The following ADCY2 variants were observed in gnomAD, a reference collection of about 807,000 sequenced individuals.
ADCY2 encodes adenylate cyclase type 2.
A neutral mutation model predicts 125.2 loss-of-function variants in ADCY2; 31 were observed. The observed-to-expected ratio is 0.25, with a 90% CI of 0.19 to 0.33. The LOEUF (loss-of-function observed/expected upper bound fraction) is 0.33, where lower values mean the gene tolerates loss of function less well. Ranked by LOEUF, ADCY2 falls within the 10% of genes least tolerant of loss-of-function variation. The probability of loss-of-function intolerance (pLI) is 1.00; values close to 1 mark genes in which losing one functional copy is unlikely to be tolerated. For synonymous variants in ADCY2, 512 were observed against 548.4 expected (o/e 0.93, Z 0.93); for missense variants, 904 against 1,418.2 (o/e 0.64, Z 5.82).
chr5:7,501,455 C>CT lies in ADCY2; in HGVS notation c.409-19277dup, dbSNP rs140121582. Among the ~76,000 whole-genome samples the CT allele has an allele frequency of 9.4e-3, 1,437 of 152,128 alleles. 24 individuals carry two copies. Among genetic ancestry groups the CT allele is most frequent in the African/African-American group, 0.033 (1,359 of 41,512 alleles). On this transcript the variant is annotated intron_variant, in intron 2 of 24. Transcript: ENST00000338316. ...AATCATGGATCTTTTTCAATGTCAA[C>CT]TTTTTTGACATTTTTTAGTTACATT...
At chr5:7,793,776 T>G (rs1395610689) in intron 20 of ADCY2, 1 of 152,226 alleles carries the variant, frequency 6.6e-6, no homozygotes, top group Non-Finnish European at 1.5e-5. Context: ...GGACCTGTCT[T>G]TAAGCATTGA....
chr5:7,799,573 A>T (rs534807959), intron 20 of ADCY2: 1 of 152,412 alleles, frequency 6.6e-6, no homozygotes, highest in East Asian at 1.9e-4. Context: ...CAAGCTCCCC[A>T]GAAGCATTCA....
At chr5:7,622,258 A>G (rs1487818400) in intron 3 of ADCY2, among the ~76,000 whole-genome samples, 2 of 152,218 alleles carry the variant, frequency 1.3e-5, no homozygotes, top group Non-Finnish European at 2.9e-5. Flanking sequence ...CATTCCATGC[A>G]TGCATCATTT....
intron 2 of ADCY2, among the ~76,000 whole-genome samples, chr5:7,462,655 A>G (rs1741954604): frequency 6.6e-6 from 1 of 152,208 alleles, no homozygotes; most frequent in Non-Finnish European, 1.5e-5. Flanking sequence ...CTACCTTTTG[A>G]ATTGTTAGGG....
intron 2 of ADCY2, among the ~76,000 whole-genome samples, chr5:7,500,671 T>C (rs1743527545): frequency 6.6e-6 from 1 of 152,100 alleles, no homozygotes; most frequent in African/African-American, 2.4e-5. Flanking sequence ...TCATCAAAAA[T>C]GAGGAAAGCC....
At chr5:7,556,644 G>A (rs1735514871) in intron 3 of ADCY2, among the ~76,000 whole-genome samples, 2 of 152,156 alleles carry the variant, frequency 1.3e-5, no homozygotes, top group East Asian at 3.8e-4. Context: ...ACTGGTACTG[G>A]TCCATGGCCT....
intron 2 of ADCY2, among the ~76,000 whole-genome samples, chr5:7,493,253 G>A (rs1427037448): frequency 6.6e-6 from 1 of 152,146 alleles, no homozygotes; most frequent in Admixed American, 6.5e-5. Context: ...ATCTCTCCAT[G>A]AGCTGTCAAT....
At chr5:7,473,979 C>A (rs1742430867) in intron 2 of ADCY2, among the ~76,000 whole-genome samples, 1 of 152,182 alleles carries the variant, frequency 6.6e-6, no homozygotes, top group Non-Finnish European at 1.5e-5. Context: ...GTTTGTTCAG[C>A]CACAAATGAG....
chr5:7,418,663 T>TTTTG (rs1405101689), intron 2 of ADCY2, among the ~76,000 whole-genome samples: 3 of 138,648 alleles, frequency 2.2e-5, no homozygotes, highest in Non-Finnish European at 3.1e-5. Context: ...TTTTTTTTTT[T>TTTTG]TTTTTTTTTT....
At chr5:7,689,370 T>C (rs943897849) in intron 4 of ADCY2, among the ~76,000 whole-genome samples, 1 of 152,186 alleles carries the variant, frequency 6.6e-6, no homozygotes, top group African/African-American at 2.4e-5. Flanking sequence ...TGCTCAAAGA[T>C]TGATACTTTC....
At position 7,779,047 on chromosome 5, in the gene ADCY2, G is replaced by C. The variant is rs572103268; in HGVS notation, c.2385-5318G>C. Among the ~76,000 whole-genome samples, 60 of 152,216 alleles carry C rather than the reference G, an allele frequency of 3.9e-4. 2 individuals are homozygous for C. The highest frequency in any genetic ancestry group is 3.4e-3 in the Middle Eastern group (1 of 294). ...GCTTTCCCCACTCTGCCTGTTTCCTGCACCCTATGCCATTTCAGAAAGTGA... is the reference window on the plus strand; with the variant it reads ...GCTTTCCCCACTCTGCCTGTTTCCTCCACCCTATGCCATTTCAGAAAGTGA... On this transcript the variant is annotated intron_variant, in intron 18 of 24. Transcript: ENST00000338316.
At chr5:7,767,779 T>G (rs1743432659) in intron 17 of ADCY2, among the ~76,000 whole-genome samples, 1 of 151,910 alleles carries the variant, frequency 6.6e-6, no homozygotes, top group Non-Finnish European at 1.5e-5. Context: ...ACCTGTAATC[T>G]CAGCACTTTG....
intron 1 of ADCY2, among the ~76,000 whole-genome samples, chr5:7,410,329 A>AG (rs35663360): frequency 7.4e-6 from 1 of 134,872 alleles, no homozygotes; most frequent in Admixed American, 7.2e-5. Context: ...AGTACTGTTC[A>AG]AAAAAAAAAG....
At chr5:7,465,661 G>T (rs780834921) in intron 2 of ADCY2, among the ~76,000 whole-genome samples, 3 of 152,140 alleles carry the variant, frequency 2.0e-5, no homozygotes, top group Admixed American at 6.5e-5. Flanking sequence ...TTACTGAGGT[G>T]TTACTTATAT....
At chr5:7,429,666 G>A (rs1488500768) in intron 2 of ADCY2, among the ~76,000 whole-genome samples, 2 of 152,184 alleles carry the variant, frequency 1.3e-5, no homozygotes, top group Non-Finnish European at 2.9e-5. Flanking sequence ...AATAACCCAT[G>A]AGTCCAAGAA....
intron 3 of ADCY2, among the ~76,000 whole-genome samples, chr5:7,574,221 A>C (rs958038396): frequency 6.6e-4 from 93 of 140,820 alleles, no homozygotes; most frequent in Middle Eastern, 7.0e-3. Flanking sequence ...CAGTAAACAT[A>C]CGTGTGCATG....
intron 15 of ADCY2, among the ~76,000 whole-genome samples, chr5:7,751,206 T>A (rs1478258687): frequency 6.6e-6 from 1 of 152,206 alleles, no homozygotes; most frequent in African/African-American, 2.4e-5. Context: ...ACTTGTTATT[T>A]TTCCTTAACA....
chr5:7,765,332 G>A (rs965775012), intron 16 of ADCY2, among the ~76,000 whole-genome samples: 7 of 152,064 alleles, frequency 4.6e-5, no homozygotes, highest in East Asian at 1.9e-4. Context: ...ATCTAAATCT[G>A]TACCCTTTTG....
intron 12 of ADCY2, among the ~76,000 whole-genome samples, chr5:7,723,133 T>C (rs1461604264): frequency 6.6e-6 from 1 of 151,702 alleles, no homozygotes; most frequent in African/African-American, 2.4e-5. Context: ...TGACACACGC[T>C]GGGGCCTGTT....
Sources: gnomAD v4.1 joint callset for allele counts (sites outside exome capture counted in the v4.1 genomes callset) on GRCh38, gnomAD v4.1.1 for gene constraint, MANE v1.5 for transcripts, NCBI Gene and HGNC (gene_info 2026-07-23, HGNC 2026-07-21) for gene names.